NEDD4L: variants seen among roughly 807,000 people sequenced by gnomAD.
The protein encoded by NEDD4L is NEDD4 like E3 ubiquitin protein ligase.
Under a neutral mutation model 148.9 loss-of-function variants are expected in NEDD4L, and 54 were observed. The observed-to-expected ratio is 0.36, with a 90% CI of 0.29 to 0.45. The LOEUF is 0.45. Among genes scored for constraint, NEDD4L ranks in the 20% least tolerant of loss-of-function variants. The pLI, the probability that NEDD4L is intolerant of heterozygous loss-of-function variation, is 1.00. For synonymous variants in NEDD4L, 433 were observed against 440.7 expected, an observed-to-expected ratio of 0.98 and a Z score of 0.22; for missense variants, 856 against 1,233.8, an observed-to-expected ratio of 0.69 and a Z score of 4.59.
In NEDD4L at chr18:58,398,157, T is replaced by TAAAAAAAAAAAAAAAAAAAAA. The variant is rs35545013; in HGVS notation, c.*1905_*1925dup. On this transcript the variant is annotated 3_prime_UTR_variant, in exon 31 of 31. Transcript: ENST00000400345. ...TCAGAAAACTTAGATGCTATGTAAC[T>TAAAAAAAAAAAAAAAAAAAAA]AAAAAAAAAAAAAAAAAAAAAAAAA... 1 of 31,012 alleles carries TAAAAAAAAAAAAAAAAAAAAA rather than the reference T, an allele frequency of 3.2e-5. No homozygotes were observed. Among genetic ancestry groups the TAAAAAAAAAAAAAAAAAAAAA allele is most frequent in the African/African-American group, 9.2e-5 (1 of 10,928 alleles). The allele number at this position is 31,012 out of a possible 1,614,324, so 1.9% of individuals were successfully genotyped here.
At chr18:58,298,668 T>C (rs551466372) in intron 5 of NEDD4L, among the ~76,000 whole-genome samples, 18 of 152,220 alleles carry the variant, frequency 1.2e-4, no homozygotes, top group Non-Finnish European at 2.4e-4. Context: ...GGGCTCCCTT[T>C]AGTGCAGCAC....
chr18:58,070,632 C>G (rs1346219268), intron 1 of NEDD4L, among the ~76,000 whole-genome samples: 1 of 152,100 alleles, frequency 6.6e-6, no homozygotes, highest in African/African-American at 2.4e-5. Context: ...ATGCAAGCCT[C>G]AAGGAAGACT....
chr18:58,149,583 T>C (rs762770584), intron 1 of NEDD4L: 1 of 1,492,090 alleles, frequency 6.7e-7, no homozygotes, highest in South Asian at 1.2e-5. Context: ...AGACTTTGCT[T>C]GGTGGGGGAG....
intron 22 of NEDD4L, among the ~76,000 whole-genome samples, chr18:58,369,850 T>G (rs2046614764): frequency 6.6e-6 from 1 of 152,222 alleles, no homozygotes; most frequent in South Asian, 2.1e-4. Context: ...CTCCGGGGCC[T>G]TCCCCATTTC....
intron 2 of NEDD4L, among the ~76,000 whole-genome samples, chr18:58,188,586 A>G (rs1568353875): frequency 6.6e-6 from 1 of 152,182 alleles, no homozygotes; most frequent in Non-Finnish European, 1.5e-5. Context: ...GGCACGTCCA[A>G]TTTGAATCTG....
At chr18:58,319,006 T>A (rs867707039) in intron 6 of NEDD4L, among the ~76,000 whole-genome samples, 9 of 152,236 alleles carry the variant, frequency 5.9e-5, no homozygotes, top group African/African-American at 2.2e-4. Flanking sequence ...GTGGTATTAT[T>A]TGATGCCCTG....
intron 24 of NEDD4L, among the ~76,000 whole-genome samples, chr18:58,375,574 A>G (rs1449950689): frequency 6.6e-6 from 1 of 152,022 alleles, no homozygotes; most frequent in African/African-American, 2.4e-5. Context: ...TTCCCCAGAG[A>G]TGCTTCAGTG....
rs570907072 is a variant in NEDD4L at position 58,316,945 on chromosome 18, GACTTT to G, written c.348+920_348+924del. Among the ~76,000 whole-genome samples the G allele has an allele frequency of 7.2e-3, 660 of 91,984 alleles. 4 individuals are homozygous for G. Among genetic ancestry groups the G allele is most frequent in the African/African-American group, 0.023 (487 of 20,918 alleles). The allele number at this position is 91,984 out of a possible 152,430, so 60.3% of individuals were successfully genotyped here. A position where few individuals can be genotyped will look rare whatever the true frequency, so the allele number is the denominator to read the frequency against. On this transcript the variant is annotated intron_variant, in intron 6 of 30. Coordinates refer to ENST00000400345, the MANE Select transcript of NEDD4L (RefSeq NM_001144967.3). ...GCATAAATAGTCTATAAAGTAAAGT[GACTTT>G]ACTTTATTTACTTTATTTAAAGCTA...
intron 5 of NEDD4L, among the ~76,000 whole-genome samples, chr18:58,287,164 T>C (rs2054043651): frequency 6.6e-6 from 1 of 152,006 alleles, no homozygotes; most frequent in Admixed American, 6.5e-5. Flanking sequence ...TTGTCCTCAT[T>C]GAACTTTATC....
At chr18:58,109,408 A>G (rs767985943) in intron 1 of NEDD4L, among the ~76,000 whole-genome samples, 2 of 152,210 alleles carry the variant, frequency 1.3e-5, no homozygotes, top group Admixed American at 6.5e-5. Flanking sequence ...AGGCAATGGT[A>G]ACAGCATGTG....
At chr18:58,232,612 G>A (rs528924301) in intron 2 of NEDD4L, among the ~76,000 whole-genome samples, 8 of 152,248 alleles carry the variant, frequency 5.3e-5, no homozygotes, top group South Asian at 4.2e-4. Flanking sequence ...CCCTTGTGTC[G>A]GGATATAGGG....
intron 5 of NEDD4L, among the ~76,000 whole-genome samples, chr18:58,294,951 C>A (rs953922867): frequency 1.3e-5 from 2 of 152,066 alleles, no homozygotes; most frequent in African/African-American, 4.8e-5. Context: ...TCTTTTTAAA[C>A]TGACTTTATT....
At chr18:58,206,235 A>G (rs1259293458) in intron 2 of NEDD4L, among the ~76,000 whole-genome samples, 3 of 152,108 alleles carry the variant, frequency 2.0e-5, no homozygotes, top group African/African-American at 7.2e-5. Context: ...CTAAAAATAC[A>G]AAAATTAGCC....
chr18:58,105,612 T>C (rs2085023914), intron 1 of NEDD4L, among the ~76,000 whole-genome samples: 1 of 152,182 alleles, frequency 6.6e-6, no homozygotes, highest in African/African-American at 2.4e-5. Flanking sequence ...CTGAGCTGTG[T>C]GTTTATTTTT....
Position 58,066,583 on chromosome 18 carries a change from G to A in NEDD4L, c.48+21875G>A, listed in dbSNP as rs556445503. Among the ~76,000 whole-genome samples, 17 of 152,064 alleles carry A rather than the reference G, an allele frequency of 1.1e-4. 1 individual carries two copies. The highest frequency in any genetic ancestry group is 3.4e-4 in the African/African-American group (14 of 41,504). On this transcript the variant is annotated intron_variant, in intron 1 of 30. Transcript: ENST00000400345. ...TCCACTCACCTTGGCCTCCCAAACT[G>A]CTAGGATTACAAGCATGAGCCATCG...
chr18:58,204,273 A>G (rs1357909697), intron 2 of NEDD4L, among the ~76,000 whole-genome samples: 1 of 152,182 alleles, frequency 6.6e-6, no homozygotes, highest in Non-Finnish European at 1.5e-5. Flanking sequence ...GGTTGCAGTC[A>G]GCCAAGATTG....
chr18:58,141,727 G>A (rs528734437), intron 1 of NEDD4L, among the ~76,000 whole-genome samples: 7 of 152,258 alleles, frequency 4.6e-5, no homozygotes, highest in Non-Finnish European at 2.9e-5. Flanking sequence ...ATGTGCATGC[G>A]TCTCATTTAC....
chr18:58,065,089 A>G (rs903813070), intron 1 of NEDD4L, among the ~76,000 whole-genome samples: 1 of 152,192 alleles, frequency 6.6e-6, no homozygotes, highest in African/African-American at 2.4e-5. Context: ...TACCTTATCT[A>G]TATTGAGATT....
chr18:58,246,277 A>G (rs1054780409), intron 3 of NEDD4L, among the ~76,000 whole-genome samples: 3 of 152,174 alleles, frequency 2.0e-5, no homozygotes, highest in African/African-American at 7.2e-5. Context: ...TGGAATTGGT[A>G]GGCACACCAG....
Sources: allele counts gnomAD v4.1 joint callset (sites outside exome capture counted in the v4.1 genomes callset), GRCh38; gene constraint gnomAD v4.1.1; transcripts MANE v1.5; gene names NCBI Gene and HGNC (gene_info 2026-07-23, HGNC 2026-07-21).